Variants in ATP11A observed in about 807,000 individuals in gnomAD.
The protein encoded by ATP11A is phospholipid-transporting ATPase IH.
A neutral mutation model predicts 154.4 loss-of-function variants in ATP11A; 81 were observed. The observed-to-expected ratio is 0.52, with a 90% CI of 0.44 to 0.63. The LOEUF is 0.63. Among genes scored for constraint, ATP11A ranks in the 30% least tolerant of loss-of-function variants. The pLI is 0.00. For missense variants in ATP11A, 1,316 were observed against 1,474.3 expected (o/e 0.89, Z 1.76); for synonymous variants, 623 against 585.9 (o/e 1.06, Z -0.91).
chr13:112,834,025 T>C (rs1269948983), intron 14 of ATP11A, among the ~76,000 whole-genome samples: 5 of 152,218 alleles, frequency 3.3e-5, no homozygotes, highest in African/African-American at 1.2e-4. Context: ...AAAGCCATGC[T>C]CTGTCTCTGC....
intron 1 of ATP11A, among the ~76,000 whole-genome samples, chr13:112,774,043 C>G (rs1231653612): frequency 2.0e-5 from 3 of 152,264 alleles, no homozygotes; most frequent in Non-Finnish European, 4.4e-5. Context: ...TCCCGTCCAC[C>G]TCACGGGGAA....
At chr13:112,864,289 G>A (rs61961585) in intron 25 of ATP11A, among the ~76,000 whole-genome samples, 460 of 22,356 alleles carry the variant, frequency 0.021, 4 homozygotes, top group Admixed American at 0.033. Context: ...AATTCAGTGC[G>A]GCCCATGCAG....
In ATP11A at chr13:112,884,371, T is replaced by C. The variant is rs1456806746; in HGVS notation, c.*2505T>C. The C allele has an allele frequency of 6.6e-6, 1 of 152,642 alleles. No individual in the cohort carries two copies. The highest frequency in any genetic ancestry group is 1.5e-5 in the Non-Finnish European group (1 of 68,030). 9.5% of individuals were successfully genotyped at this position (152,642 alleles called of 1,614,324 possible). On this transcript the variant is annotated 3_prime_UTR_variant, in exon 30 of 30. Transcript: ENST00000375645. ...GGTCCCAGCTCTGCCTGTGTGGAGA[T>C]AGTCACCATGTACCTCTGACAACAA...
intron 18 of ATP11A, among the ~76,000 whole-genome samples, chr13:112,853,561 A>C (rs1273336977): frequency 6.6e-6 from 1 of 152,218 alleles, no homozygotes; most frequent in Non-Finnish European, 1.5e-5. Flanking sequence ...TCTCCCAAGG[A>C]GAGGGCAGTG....
intron 2 of ATP11A, among the ~76,000 whole-genome samples, chr13:112,794,565 C>T (rs182158852): frequency 5.3e-5 from 8 of 152,242 alleles, no homozygotes; most frequent in Non-Finnish European, 1.0e-4. Flanking sequence ...GCCCTCAGTG[C>T]CTGATTAGAA....
intron 1 of ATP11A, among the ~76,000 whole-genome samples, chr13:112,719,409 A>G (rs1888893510): frequency 6.6e-6 from 1 of 152,248 alleles, no homozygotes; most frequent in Admixed American, 6.5e-5. Context: ...AAGATTAATT[A>G]ACTTGTAGGC....
chr13:112,700,607 T>A (rs995056523), intron 1 of ATP11A, among the ~76,000 whole-genome samples: 1 of 152,222 alleles, frequency 6.6e-6, no homozygotes. Flanking sequence ...CTGTGAAGGG[T>A]GAGTGAACGC....
Position 112,810,637 on chromosome 13 carries a change from C to T in ATP11A, c.352C>T (p.Arg118Ter). ...TTTTTAGGGTTATGAAGACTGGCTTCGACATAAAGCAGACAATGCCATGAA... is the reference window on the plus strand; with the variant it reads ...TTTTTAGGGTTATGAAGACTGGCTTTGACATAAAGCAGACAATGCCATGAA... ...AIKQGYEDWL[R>*]HKADNAMNQC... The change falls in exon 5 of 30, where the codon CGA (arginine) becomes TGA (stop). Residue 118 changes from arginine (R) to a stop codon, truncating the protein, a stop_gained. Coordinates refer to ENST00000375645, the MANE Select transcript of ATP11A (RefSeq NM_015205.3). LOFTEE classifies it high-confidence loss of function. The T allele has an allele frequency of 4.3e-6, 7 of 1,613,868 alleles. No homozygotes were observed. The highest frequency in any genetic ancestry group is 5.9e-6 in the Non-Finnish European group (7 of 1,179,906).
chr13:112,799,350 G>A (rs2078075513), intron 2 of ATP11A, among the ~76,000 whole-genome samples: 1 of 152,208 alleles, frequency 6.6e-6, no homozygotes, highest in South Asian at 2.1e-4. Context: ...CTTTGTGTGA[G>A]CAACAAGGCT....
rs189852238 is a variant in ATP11A, at chr13:112,703,743, T to C, written c.39+13288T>C. On this transcript the variant is annotated intron_variant, in intron 1 of 29. Coordinates refer to ENST00000375645, the MANE Select transcript of ATP11A (RefSeq NM_015205.3). ...TATGTCTTCTTTTTGCTTTTTTTTT[T>C]CCCACTGGAGAAAGCTGGTAGGGGA... is the stretch of plus-strand genomic sequence containing the variant. 5.2e-3 allele frequency among the ~76,000 whole-genome samples: 788 copies of C among 152,208 alleles called. 6 individuals are homozygous for C. The highest frequency in any genetic ancestry group is 0.018 in the African/African-American group (736 of 41,524).
intron 16 of ATP11A, among the ~76,000 whole-genome samples, chr13:112,839,596 G>A (rs2079337108): frequency 6.6e-6 from 1 of 152,204 alleles, no homozygotes; most frequent in South Asian, 2.1e-4. Context: ...ACACAACCCA[G>A]CTGTCTTGGG....
intron 25 of ATP11A, among the ~76,000 whole-genome samples, chr13:112,865,538 GT>G (rs1028523065): frequency 2.0e-5 from 3 of 151,938 alleles, no homozygotes; most frequent in East Asian, 3.9e-4. Flanking sequence ...TCCTGCTGAA[GT>G]TTTTTTTTGT....
chr13:112,796,017 C>A (rs1404218800), intron 2 of ATP11A, among the ~76,000 whole-genome samples: 1 of 152,142 alleles, frequency 6.6e-6, no homozygotes, highest in Non-Finnish European at 1.5e-5. Flanking sequence ...CCTAAATTAT[C>A]TTGAGGTGGG....
rs771450533 is a variant in ATP11A at position 112,823,409 on chromosome 13, G to A, written c.790G>A (p.Gly264Ser). Reference protein sequence around the residue: ...ATLKNTEKIFGVAIYTGMETK... With the variant: ...ATLKNTEKIFSVAIYTGMETK... ...ACTGAAGAACACTGAGAAAATCTTTGGTAAATATTTAATTAATTATTAACC... is the reference window on the plus strand; with the variant it reads ...ACTGAAGAACACTGAGAAAATCTTTAGTAAATATTTAATTAATTATTAACC... The change falls in exon 9 of 30, where the codon GGT becomes AGT. Residue 264 changes from glycine to serine, a missense_variant and splice_region_variant. Coordinates refer to ENST00000375645, the MANE Select transcript of ATP11A (RefSeq NM_015205.3). The A allele has an allele frequency of 6.2e-7, 1 of 1,609,242 alleles. No individual in the cohort carries two copies. Among genetic ancestry groups the A allele is most frequent in the Non-Finnish European group, 8.5e-7 (1 of 1,176,134 alleles).
chr13:112,703,598 A>C (rs1242409788), intron 1 of ATP11A, among the ~76,000 whole-genome samples: 1 of 152,220 alleles, frequency 6.6e-6, no homozygotes, highest in East Asian at 1.9e-4. Flanking sequence ...ACAGAACGTA[A>C]TTACTTAGTG....
intron 1 of ATP11A, among the ~76,000 whole-genome samples, chr13:112,724,868 A>G (rs1197742809): frequency 1.3e-5 from 2 of 152,126 alleles, no homozygotes; most frequent in African/African-American, 4.8e-5. Context: ...TCATTCCACC[A>G]CGGAGCCAGG....
rs924707982 is a variant in ATP11A, at chr13:112,696,769, T to TG, written c.39+6318dup. On this transcript the variant is annotated intron_variant, in intron 1 of 29. Coordinates refer to ENST00000375645, the MANE Select transcript of ATP11A (RefSeq NM_015205.3). This position sits in a 1 kb window ranked among gnomAD's most constrained non-coding sequence, Gnocchi z 6.2. ...CTTGCCCTCCACCTCAGCGACTCCG[T>TG]GGGGCTTTTGTGATCCCAGCTGCAG... The TG allele has an allele frequency of 2.0e-5, 3 of 152,258 alleles. No homozygotes were observed. Among genetic ancestry groups the TG allele is most frequent in the African/African-American group, 7.2e-5 (3 of 41,416 alleles). The allele number at this position is 152,258 out of a possible 1,614,324, so 9.4% of individuals were successfully genotyped here.
intron 1 of ATP11A, among the ~76,000 whole-genome samples, chr13:112,705,676 A>G (rs1271035158): frequency 6.6e-6 from 1 of 152,242 alleles, no homozygotes; most frequent in East Asian, 1.9e-4. Flanking sequence ...AGACCTAAGC[A>G]GGTGTCGACT....
rs1367868029 is a variant in ATP11A, at chr13:112,885,386, CCTG to C, written c.*3522_*3524del. On this transcript the variant is annotated 3_prime_UTR_variant, in exon 30 of 30. Transcript: ENST00000375645. ...TACATTCACTACAAACGTGCAGCCT[CCTG>C]CACACGTGCACATTCATGTGTACAC... 6 of 152,328 alleles carry C rather than the reference CCTG, an allele frequency of 3.9e-5. No homozygotes were observed. The highest frequency in any genetic ancestry group is 1.3e-4 in the Admixed American group (2 of 15,286). The allele number at this position is 152,328 out of a possible 1,614,324, so 9.4% of individuals were successfully genotyped here.
Sources: gnomAD v4.1 joint callset for allele counts (sites outside exome capture counted in the v4.1 genomes callset) on GRCh38, gnomAD v4.1.1 for gene constraint, Gnocchi (gnomAD v3.1) non-coding constraint, MANE v1.5 for transcripts, NCBI Gene and HGNC (gene_info 2026-07-23, HGNC 2026-07-21) for gene names.